The following HMGA2 variants were observed in gnomAD, a reference collection of about 807,000 sequenced individuals.
HMGA2 encodes the protein high mobility group AT-hook 2.
In HMGA2, 8 loss-of-function variants were observed where a neutral mutation model predicts 19.1. That is an observed-to-expected ratio of 0.42 (90% CI 0.25 to 0.76). The LOEUF is 0.76. Ranked by LOEUF, HMGA2 falls within the 30% of genes least tolerant of loss-of-function variation. The pLI is 0.28. For synonymous variants in HMGA2, 60 were observed against 48.8 expected, an observed-to-expected ratio of 1.23 and a Z score of -0.96; for missense variants, 109 against 136.3, an observed-to-expected ratio of 0.80 and a Z score of 1.00.
At chr12:65,945,431 A>T (rs1876232278) in intron 3 of HMGA2, among the ~76,000 whole-genome samples, 1 of 152,164 alleles carries the variant, frequency 6.6e-6, no homozygotes, top group African/African-American at 2.4e-5. Flanking sequence ...AGCCAGGTAA[A>T]TGTCAAATTC....
intron 4 of HMGA2, chr12:65,952,664 T>G (rs1876497206): frequency 7.3e-6 from 3 of 408,212 alleles, no homozygotes; most frequent in Non-Finnish European, 1.2e-5. Context: ...CTTGACATTT[T>G]CATTAGGAGA....
intron 3 of HMGA2, among the ~76,000 whole-genome samples, chr12:65,861,225 G>C (rs343093): frequency 0.64 from 96,984 of 152,024 alleles, 37,670 homozygotes; most frequent in Non-Finnish European, 0.86. Context: ...AAATGAGCGG[G>C]CATGGTGACA....
intron 3 of HMGA2, among the ~76,000 whole-genome samples, chr12:65,870,081 G>A (rs1011072796): frequency 3.3e-5 from 5 of 151,272 alleles, no homozygotes; most frequent in Admixed American, 6.6e-5. Flanking sequence ...TGAATACAAC[G>A]TATGTATATA....
chr12:65,904,908 G>A (rs139523350), intron 3 of HMGA2, among the ~76,000 whole-genome samples: 2,243 of 152,148 alleles, frequency 0.015, 63 homozygotes, highest in African/African-American at 0.051. Flanking sequence ...TGGGCATGGT[G>A]GTGGGTGCCT....
chr12:65,888,765 G>A (rs1049093767), intron 3 of HMGA2, among the ~76,000 whole-genome samples: 36 of 151,100 alleles, frequency 2.4e-4, no homozygotes, highest in African/African-American at 7.3e-4. Context: ...GGGTTTCACC[G>A]TGTTAGCCAG....
chr12:65,887,982 TAA>T (rs1429851939), intron 3 of HMGA2, among the ~76,000 whole-genome samples: 1 of 152,076 alleles, frequency 6.6e-6, no homozygotes, highest in Admixed American at 6.6e-5. Context: ...ATGATTGCAT[TAA>T]GTTTTCTATT....
At chr12:65,921,493 C>T (rs931415943) in intron 3 of HMGA2, among the ~76,000 whole-genome samples, 42 of 152,174 alleles carry the variant, frequency 2.8e-4, no homozygotes, top group African/African-American at 9.9e-4. Context: ...ATGACCCGCC[C>T]GCCTTGGCCT....
intron 3 of HMGA2, among the ~76,000 whole-genome samples, chr12:65,885,307 T>C (rs1271665543): frequency 2.0e-5 from 3 of 152,148 alleles, no homozygotes; most frequent in African/African-American, 7.2e-5. Flanking sequence ...TCATGATAAA[T>C]AGTGGGTTTT....
Position 65,964,379 on chromosome 12 carries a change from T to A in HMGA2, c.*1087T>A, listed in dbSNP as rs1876847731. On this transcript the variant is annotated 3_prime_UTR_variant, in exon 5 of 5. Coordinates refer to ENST00000403681, the MANE Select transcript of HMGA2 (RefSeq NM_003483.6). ...TCTTTTCATTGTGTATCAGTTTCCA[T>A]GAAAGACCTGAATACCACTTACCTC... is the stretch of plus-strand genomic sequence containing the variant. 4.4e-6 allele frequency: 1 copy of A among 225,300 alleles called. No individual in the cohort carries two copies. The highest frequency in any genetic ancestry group is 2.2e-5 in the African/African-American group (1 of 44,942). The allele number at this position is 225,300 out of a possible 1,614,324, so 14.0% of individuals were successfully genotyped here.
At chr12:65,947,255 G>A (rs61921608) in intron 3 of HMGA2, among the ~76,000 whole-genome samples, 12,156 of 152,086 alleles carry the variant, frequency 0.08, 539 homozygotes, top group Non-Finnish European at 0.093. Context: ...GAGTAGCTGG[G>A]AGTACAGGCA....
chr12:65,941,947 G>A (rs1469478772), intron 3 of HMGA2, among the ~76,000 whole-genome samples: 2 of 152,184 alleles, frequency 1.3e-5, no homozygotes, highest in African/African-American at 4.8e-5. Context: ...CAAATTGTGT[G>A]TATCTAGTTC....
In HMGA2 at chr12:65,857,701, A is replaced by T. The variant is rs554014451; in HGVS notation, c.249+19132A>T. 10 of 152,346 alleles carry T rather than the reference A, an allele frequency of 6.6e-5. No individual in the cohort carries two copies. The South Asian group carries it at 1.7e-3, about 25-fold the overall frequency. The allele number at this position is 152,346 out of a possible 1,614,324, so 9.4% of individuals were successfully genotyped here. A position where few individuals can be genotyped will look rare whatever the true frequency, so the allele number is the denominator to read the frequency against. ...ATAACCTTTATTTGCACCTTAAAAAAATAGTTTTAAACGAAGTCATGGGAA... is the reference window on the plus strand; with the variant it reads ...ATAACCTTTATTTGCACCTTAAAAATATAGTTTTAAACGAAGTCATGGGAA... On this transcript the variant is annotated intron_variant, in intron 3 of 4. Coordinates refer to ENST00000403681, the MANE Select transcript of HMGA2 (RefSeq NM_003483.6).
At chr12:65,917,009 C>T (rs1312186060) in intron 3 of HMGA2, among the ~76,000 whole-genome samples, 1 of 152,092 alleles carries the variant, frequency 6.6e-6, no homozygotes, top group East Asian at 1.9e-4. Context: ...TTTGTAGACA[C>T]TGAGAAATAA....
intron 2 of HMGA2, among the ~76,000 whole-genome samples, chr12:65,837,848 T>C (rs539015347): frequency 6.6e-6 from 1 of 152,200 alleles, no homozygotes; most frequent in Non-Finnish European, 1.5e-5. Flanking sequence ...TAGGCACATA[T>C]AGTTTTAATC....
chr12:65,902,652 T>C (rs1476240931), intron 3 of HMGA2, among the ~76,000 whole-genome samples: 1 of 152,202 alleles, frequency 6.6e-6, no homozygotes, highest in Non-Finnish European at 1.5e-5. Flanking sequence ...TAGCAGAGTC[T>C]GAGAAAACAG....
chr12:65,959,270 T>G (rs1876684171), intron 4 of HMGA2, among the ~76,000 whole-genome samples: 3 of 152,200 alleles, frequency 2.0e-5, no homozygotes, highest in African/African-American at 7.2e-5. Flanking sequence ...AAAAGAACAG[T>G]GATATGTGCA....
intron 3 of HMGA2, among the ~76,000 whole-genome samples, chr12:65,874,701 A>G (rs967025040): frequency 6.6e-6 from 1 of 152,236 alleles, no homozygotes; most frequent in African/African-American, 2.4e-5. Flanking sequence ...TTTTAAAAAA[A>G]TAAAGTAATG....
intron 2 of HMGA2, among the ~76,000 whole-genome samples, chr12:65,834,172 TTC>T (rs1870600344): frequency 6.6e-6 from 1 of 152,188 alleles, no homozygotes; most frequent in South Asian, 2.1e-4. Context: ...GTGCTGAATG[TTC>T]TGTAAAATAT....
intron 3 of HMGA2, among the ~76,000 whole-genome samples, chr12:65,947,844 G>T (rs1174009480): frequency 1.3e-5 from 2 of 152,206 alleles, no homozygotes; most frequent in African/African-American, 4.8e-5. Context: ...GACTTTGCAG[G>T]TCTGACTCTT....
Sources: allele counts gnomAD v4.1 joint callset (sites outside exome capture counted in the v4.1 genomes callset), GRCh38; gene constraint gnomAD v4.1.1; transcripts MANE v1.5; gene names NCBI Gene and HGNC (gene_info 2026-07-23, HGNC 2026-07-21).